TENM2: variants seen among roughly 807,000 people sequenced by gnomAD.
TENM2 encodes the protein teneurin transmembrane protein 2.
TENM2 carries 52 observed loss-of-function variants against 245.2 expected under a neutral mutation model. The observed-to-expected ratio is 0.21, with a 90% CI of 0.17 to 0.27. The LOEUF is 0.27. TENM2 is among the 10% of genes least tolerant of loss of function. The pLI is 1.00. For missense variants in TENM2, 3,046 were observed against 3,666.8 expected, an observed-to-expected ratio of 0.83 and a Z score of 4.37; for synonymous variants, 1,363 against 1,438.9, an observed-to-expected ratio of 0.95 and a Z score of 1.19.
the TENM2 span, among the ~76,000 whole-genome samples, chr5:167,174,014 G>A: frequency 2.6e-5 from 4 of 151,702 alleles, no homozygotes; most frequent in Non-Finnish European, 5.9e-5. Flanking sequence ...AATAACATTT[G>A]AGGGAGCGAT....
chr5:168,188,326 C>CA (rs1188962114), intron 13 of TENM2, among the ~76,000 whole-genome samples: 1 of 152,022 alleles, frequency 6.6e-6, no homozygotes, highest in Non-Finnish European at 1.5e-5. Context: ...AATTATGGTC[C>CA]AAAAAAATGC....
Position 168,247,245 on chromosome 5 carries a change from C to T in TENM2, c.6306C>T (p.Ser2102=). The T allele has an allele frequency of 3.1e-6, 5 of 1,613,962 alleles. No homozygotes were observed. The highest frequency in any genetic ancestry group is 4.2e-6 in the Non-Finnish European group (5 of 1,179,896). ...ATGACAACAGCTTCCGCATCGCAAG[C>T]ATCAAGCCCGTCATAAGTGAGACTC... is the stretch of plus-strand genomic sequence containing the variant. Residue 2102 remains serine, a synonymous_variant, in exon 27 of 29, where the codon AGC becomes AGT. Transcript: ENST00000518659. The surrounding 1 kb of genome is among the most constrained non-coding windows in gnomAD (Gnocchi z 7.8).
the TENM2 span, among the ~76,000 whole-genome samples, chr5:167,109,872 A>T: frequency 2.6e-5 from 4 of 152,208 alleles, no homozygotes; most frequent in African/African-American, 9.7e-5. Flanking sequence ...GGAGTAATGG[A>T]AATGGAGGCA....
At chr5:167,287,300 G>C (rs1475225294) in intron 1 of TENM2, 1 of 152,142 alleles carries the variant, frequency 6.6e-6, no homozygotes, top group African/African-American at 2.4e-5. Flanking sequence ...TTTACACTCA[G>C]TAATAACAAT....
chr5:167,609,475 TTGCCTGATGA>T (rs1777296345), intron 2 of TENM2, among the ~76,000 whole-genome samples: 1 of 134,278 alleles, frequency 7.4e-6, no homozygotes, highest in Admixed American at 7.6e-5. Context: ...CCTTTTTTCT[TTGCCTGATGA>T]TGCAAAAAAA....
At chr5:167,252,704 A>G in the TENM2 span, among the ~76,000 whole-genome samples, 1 of 152,100 alleles carries the variant, frequency 6.6e-6, no homozygotes, top group Non-Finnish European at 1.5e-5. Flanking sequence ...GAAGACGAGA[A>G]CCTGAAATTA....
chr5:168,190,373 T>A, exon 14 of TENM2: 2 of 1,613,862 alleles, frequency 1.2e-6, no homozygotes, highest in Non-Finnish European at 1.7e-6. Flanking sequence ...GACTGCTGCC[T>A]GCAGTCAGCC....
At chr5:168,089,896 A>G (rs1297230712) in intron 7 of TENM2, among the ~76,000 whole-genome samples, 1 of 152,156 alleles carries the variant, frequency 6.6e-6, no homozygotes, top group African/African-American at 2.4e-5. Flanking sequence ...ACAACCCCAT[A>G]ACATAGATAC....
intron 2 of TENM2, among the ~76,000 whole-genome samples, chr5:167,497,482 T>C (rs542178453): frequency 6.6e-6 from 1 of 152,226 alleles, no homozygotes; most frequent in African/African-American, 2.4e-5. Context: ...TGGTCAGTTT[T>C]GTCACTTAAT....
chr5:166,995,596 A>G, the TENM2 span, among the ~76,000 whole-genome samples: 2 of 151,866 alleles, frequency 1.3e-5, no homozygotes, highest in African/African-American at 4.8e-5. Flanking sequence ...CAGGCGGATC[A>G]CCTGAGGTCA....
intron 2 of TENM2, among the ~76,000 whole-genome samples, chr5:167,573,278 A>G (rs184749224): frequency 6.6e-6 from 1 of 152,316 alleles, no homozygotes; most frequent in East Asian, 1.9e-4. Flanking sequence ...ATCCTAAAAA[A>G]TCACAGGTAT....
intron 2 of TENM2, among the ~76,000 whole-genome samples, chr5:167,781,449 A>G (rs1309337779): frequency 6.6e-6 from 1 of 152,238 alleles, no homozygotes; most frequent in Non-Finnish European, 1.5e-5. Flanking sequence ...ATAATATGTG[A>G]AGGAAGTAGG....
chr5:167,053,253 C>T, the TENM2 span, among the ~76,000 whole-genome samples: 1 of 152,144 alleles, frequency 6.6e-6, no homozygotes, highest in Non-Finnish European at 1.5e-5. Context: ...TGGAGACTTA[C>T]AAAATATGCT....
At chr5:167,484,015 A>G (rs1019916516) in intron 2 of TENM2, among the ~76,000 whole-genome samples, 1 of 152,158 alleles carries the variant, frequency 6.6e-6, no homozygotes, top group Non-Finnish European at 1.5e-5. Context: ...ATGTACATAT[A>G]TGTATGTCTT....
At chr5:167,438,998 T>C (rs1034234982) in intron 2 of TENM2, among the ~76,000 whole-genome samples, 1 of 151,622 alleles carries the variant, frequency 6.6e-6, no homozygotes, top group Admixed American at 6.6e-5. Context: ...TTCACTATGT[T>C]AGCCAGGCTA....
At chr5:167,465,575 A>T (rs886284907) in intron 2 of TENM2, among the ~76,000 whole-genome samples, 3 of 152,196 alleles carry the variant, frequency 2.0e-5, no homozygotes, top group African/African-American at 7.2e-5. Context: ...CACGCCTGTA[A>T]TCCCAGCGCT....
At chr5:167,260,992 C>G in the TENM2 span, among the ~76,000 whole-genome samples, 1 of 152,092 alleles carries the variant, frequency 6.6e-6, no homozygotes, top group African/African-American at 2.4e-5. Context: ...TAGAATTATC[C>G]CATTTCATAG....
intron 2 of TENM2, among the ~76,000 whole-genome samples, chr5:167,714,522 T>C (rs1759125814): frequency 6.6e-6 from 1 of 152,166 alleles, no homozygotes; most frequent in Admixed American, 6.5e-5. Flanking sequence ...GCCTTCTTGT[T>C]TTGCATGCAC....
chr5:168,053,024 C>T (rs1353411230), intron 6 of TENM2, among the ~76,000 whole-genome samples: 1 of 152,182 alleles, frequency 6.6e-6, no homozygotes. Flanking sequence ...TCATCAGCCT[C>T]TCAATGAACA....
Sources: gnomAD v4.1 joint callset for allele counts (sites outside exome capture counted in the v4.1 genomes callset) on GRCh38, gnomAD v4.1.1 for gene constraint, Gnocchi (gnomAD v3.1) non-coding constraint, MANE v1.5 for transcripts, NCBI Gene and HGNC (gene_info 2026-07-23, HGNC 2026-07-21) for gene names.